STPG2: variants seen among roughly 807,000 people sequenced by gnomAD.
STPG2 encodes sperm tail PG-rich repeat containing 2.
A neutral mutation model predicts 54.2 loss-of-function variants in STPG2; 56 were observed. The observed-to-expected ratio is 1.03, with a 90% CI of 0.83 to 1.29. The LOEUF is 1.29. Ranked by LOEUF, STPG2 falls within the 50% of genes most tolerant of loss-of-function variation. The probability of loss-of-function intolerance (pLI) is 0.00; values close to 1 mark genes in which losing one functional copy is unlikely to be tolerated. For synonymous variants in STPG2, 200 were observed against 181.8 expected, an observed-to-expected ratio of 1.10 and a Z score of -0.81; for missense variants, 596 against 544.9, an observed-to-expected ratio of 1.09 and a Z score of -0.93.
At chr4:97,878,206 C>A (rs1421443157) in intron 8 of STPG2, among the ~76,000 whole-genome samples, 3 of 151,836 alleles carry the variant, frequency 2.0e-5, no homozygotes, top group Non-Finnish European at 4.4e-5. Flanking sequence ...GCATTGTCTC[C>A]AGCTTTTCCA....
chr4:97,674,600 C>T (rs1487581181), intron 10 of STPG2, among the ~76,000 whole-genome samples: 1 of 152,126 alleles, frequency 6.6e-6, no homozygotes, highest in African/African-American at 2.4e-5. Flanking sequence ...AAAATATTTT[C>T]AGAGTTCTAG....
At position 97,525,962 on chromosome 4, in the gene STPG2, A is replaced by G. The variant is rs147028235; in HGVS notation, c.462+186737T>C. Among the ~76,000 whole-genome samples the G allele has an allele frequency of 3.8e-3, 574 of 152,024 alleles. 3 individuals carry two copies. Among genetic ancestry groups the G allele is most frequent in the African/African-American group, 0.014 (563 of 41,374 alleles). ...TCAAAAGGCAATTTAAGAAACACTT[A>G]CAAATACATTTTTTCTAACTTAAAA... On this transcript the variant is annotated intron_variant, in intron 4 of 4. Coordinates refer to the STPG2 transcript ENST00000522676.
intron 10 of STPG2, among the ~76,000 whole-genome samples, chr4:97,577,073 TA>T (rs1042885321): frequency 3.9e-5 from 6 of 152,088 alleles, no homozygotes; most frequent in African/African-American, 1.4e-4. Context: ...TGGCTATTAC[TA>T]AAAAGTAAAA....
chr4:97,975,562 A>G (rs535381435), intron 6 of STPG2, among the ~76,000 whole-genome samples: 4 of 152,276 alleles, frequency 2.6e-5, no homozygotes, highest in Non-Finnish European at 5.9e-5. Flanking sequence ...GTTTTTATCA[A>G]GACAGTCAAA....
chr4:98,028,798 C>G (rs1578795900), intron 5 of STPG2, among the ~76,000 whole-genome samples: 1 of 151,966 alleles, frequency 6.6e-6, no homozygotes, highest in East Asian at 1.9e-4. Context: ...GATTTTACAT[C>G]TTTCTTCTTT....
chr4:98,022,800 T>C (rs192425176), intron 5 of STPG2, among the ~76,000 whole-genome samples: 11 of 152,364 alleles, frequency 7.2e-5, no homozygotes, highest in Admixed American at 6.5e-4. Context: ...TTTCTTCCAG[T>C]TGATCGCATC....
chr4:97,626,433 T>A (rs1345703337), intron 10 of STPG2, among the ~76,000 whole-genome samples: 1 of 152,176 alleles, frequency 6.6e-6, no homozygotes, highest in African/African-American at 2.4e-5. Context: ...TGTTTCCACC[T>A]AAACATAATT....
At chr4:97,707,354 T>C (rs1723979904) in intron 10 of STPG2, among the ~76,000 whole-genome samples, 1 of 151,872 alleles carries the variant, frequency 6.6e-6, no homozygotes, top group Non-Finnish European at 1.5e-5. Flanking sequence ...ACCCCATCTC[T>C]GCAAAAAATA....
chr4:97,701,588 A>G (rs1283214989), intron 10 of STPG2, among the ~76,000 whole-genome samples: 1 of 152,138 alleles, frequency 6.6e-6, no homozygotes, highest in African/African-American at 2.4e-5. Flanking sequence ...GGGGTTCTGG[A>G]TCTGTAAACC....
chr4:97,792,043 CAATT>C (rs1216540897), intron 9 of STPG2, among the ~76,000 whole-genome samples: 5 of 151,908 alleles, frequency 3.3e-5, no homozygotes, highest in Admixed American at 1.3e-4. Flanking sequence ...AAAGAGATGA[CAATT>C]AAAGTGTAAA....
intron 5 of STPG2, among the ~76,000 whole-genome samples, chr4:98,041,736 A>G (rs1736965223): frequency 6.6e-6 from 1 of 151,878 alleles, no homozygotes; most frequent in African/African-American, 2.4e-5. Flanking sequence ...TCAGTTTGCT[A>G]GTATTTTGTG....
intron 4 of STPG2, among the ~76,000 whole-genome samples, chr4:97,463,380 G>C (rs1221043953): frequency 1.3e-5 from 2 of 152,114 alleles, no homozygotes; most frequent in Non-Finnish European, 2.9e-5. Flanking sequence ...TAGAAAAGTA[G>C]TAGAAAGGAT....
At chr4:98,087,212 A>G (rs2110122344) in intron 5 of STPG2, among the ~76,000 whole-genome samples, 1 of 148,868 alleles carries the variant, frequency 6.7e-6, no homozygotes, top group East Asian at 2.0e-4. Flanking sequence ...GCTATCCAAC[A>G]TGTTTTCAAG....
At chr4:98,132,948 TAAAAAAAAAA>T (rs200375140) in intron 2 of STPG2, among the ~76,000 whole-genome samples, 3 of 101,576 alleles carry the variant, frequency 3.0e-5, no homozygotes, top group Non-Finnish European at 6.2e-5. Context: ...TGAAATGAAC[TAAAAAAAAAA>T]AAAAAAAAAA....
chr4:97,805,124 G>T (rs932411908), intron 9 of STPG2, among the ~76,000 whole-genome samples: 7 of 152,166 alleles, frequency 4.6e-5, no homozygotes, highest in Admixed American at 6.5e-5. Flanking sequence ...AACAGTGTTT[G>T]TGGGAAATAT....
At chr4:97,537,205 G>C (rs867996701) in intron 4 of STPG2, among the ~76,000 whole-genome samples, 8 of 152,146 alleles carry the variant, frequency 5.3e-5, no homozygotes, top group Non-Finnish European at 1.0e-4. Flanking sequence ...GTGCAGGACA[G>C]TGGGTGCAGT....
intron 9 of STPG2, among the ~76,000 whole-genome samples, chr4:97,724,530 T>C (rs147915482): frequency 1.9e-3 from 294 of 152,336 alleles, no homozygotes; most frequent in African/African-American, 6.9e-3. Flanking sequence ...ACTGCTGGTA[T>C]TGAGAACTGT....
At chr4:98,040,548 T>C (rs1736917692) in intron 5 of STPG2, among the ~76,000 whole-genome samples, 1 of 151,922 alleles carries the variant, frequency 6.6e-6, no homozygotes, top group South Asian at 2.1e-4. Flanking sequence ...CTAGCCAATT[T>C]TCCCGGCACC....
At chr4:97,455,958 AGGGGAACAAG>A (rs1347034638) in intron 4 of STPG2, among the ~76,000 whole-genome samples, 1 of 152,214 alleles carries the variant, frequency 6.6e-6, no homozygotes, top group Non-Finnish European at 1.5e-5. Context: ...ACACCCCGCG[AGGGGAACAAG>A]GGAATGTTTC....
Sources: allele counts gnomAD v4.1 joint callset (sites outside exome capture counted in the v4.1 genomes callset), GRCh38; gene constraint gnomAD v4.1.1; transcripts MANE v1.5; gene names NCBI Gene and HGNC (gene_info 2026-07-23, HGNC 2026-07-21).